Variants in SPAG16 observed in about 807,000 individuals in gnomAD.
The protein encoded by SPAG16 is sperm associated antigen 16.
SPAG16 carries 86 observed loss-of-function variants against 80.4 expected under a neutral mutation model. The observed-to-expected ratio is 1.07, with a 90% CI of 0.90 to 1.28. The LOEUF (loss-of-function observed/expected upper bound fraction) is 1.28, where lower values mean the gene tolerates loss of function less well. SPAG16 is among the 50% of genes most tolerant of loss of function. The probability of loss-of-function intolerance (pLI) is 0.00; values close to 1 mark genes in which losing one functional copy is unlikely to be tolerated. For synonymous variants in SPAG16, 294 were observed against 265.9 expected (o/e 1.11, Z -1.03); for missense variants, 870 against 765.3 (o/e 1.14, Z -1.61).
At chr2:214,067,463 A>C (rs1293995728) in intron 13 of SPAG16, among the ~76,000 whole-genome samples, 4 of 152,124 alleles carry the variant, frequency 2.6e-5, no homozygotes, top group Admixed American at 2.6e-4. Flanking sequence ...TGCATGCATA[A>C]AGCCAAAATA....
At chr2:214,220,501 C>A (rs1163835871) in intron 15 of SPAG16, among the ~76,000 whole-genome samples, 1 of 152,106 alleles carries the variant, frequency 6.6e-6, no homozygotes, top group Non-Finnish European at 1.5e-5. Flanking sequence ...TAAGTCACTG[C>A]TACTCCCCAA....
intron 10 of SPAG16, among the ~76,000 whole-genome samples, chr2:213,546,821 C>T (rs1272227293): frequency 1.3e-5 from 2 of 152,048 alleles, no homozygotes; most frequent in East Asian, 1.9e-4. Context: ...TTATAATCAC[C>T]GTACAAGAAG....
intron 13 of SPAG16, among the ~76,000 whole-genome samples, chr2:214,077,153 A>C (rs577429833): frequency 6.6e-6 from 1 of 152,316 alleles, no homozygotes; most frequent in South Asian, 2.1e-4. Context: ...CAGAGCAAGT[A>C]GAGAAAAAAT....
rs752701358 is a variant in SPAG16, at chr2:214,149,575, T to A, written c.1720+309T>A. ...CATTCCTCAGAATCATCATCCAAGG[T>A]AAGCAAATTCGATTTTCTAAAGGCA... On this transcript the variant is annotated intron_variant, in intron 15 of 15. Transcript: ENST00000331683. 1.2e-4 allele frequency among the ~76,000 whole-genome samples: 18 copies of A among 152,026 alleles called. 1 individual carries two copies. The highest frequency in any genetic ancestry group is 2.2e-4 in the Non-Finnish European group (15 of 67,982).
intron 11 of SPAG16, among the ~76,000 whole-genome samples, chr2:213,901,739 G>A (rs935164674): frequency 1.3e-5 from 2 of 152,066 alleles, no homozygotes; most frequent in African/African-American, 4.8e-5. Flanking sequence ...AGCATCTATT[G>A]GAAGATACAT....
intron 5 of SPAG16, among the ~76,000 whole-genome samples, chr2:213,337,329 C>T (rs2064419644): frequency 6.6e-6 from 1 of 152,164 alleles, no homozygotes; most frequent in South Asian, 2.1e-4. Flanking sequence ...CAAATGATTG[C>T]AACATGTCTC....
chr2:213,291,249 A>G (rs2062262480), intron 1 of SPAG16, among the ~76,000 whole-genome samples: 1 of 152,062 alleles, frequency 6.6e-6, no homozygotes, highest in Non-Finnish European at 1.5e-5. Flanking sequence ...TAGTGTGTGT[A>G]TTTGCAAACT....
At position 214,231,097 on chromosome 2, in the gene SPAG16, C is replaced by T. The variant is rs144265812; in HGVS notation, c.1720+81831C>T. Among the ~76,000 whole-genome samples, 495 of 152,004 alleles carry T rather than the reference C, an allele frequency of 3.3e-3. 3 individuals are homozygous for T. The highest frequency in any genetic ancestry group is 0.011 in the African/African-American group (449 of 41,506). On this transcript the variant is annotated intron_variant, in intron 15 of 15. Coordinates refer to ENST00000331683, the MANE Select transcript of SPAG16 (RefSeq NM_024532.5). ...TGTAATAATGCTTGGTGTCCTATGT[C>T]GTTGGATCCAGACATCGTTGGAATA... is the stretch of plus-strand genomic sequence containing the variant.
chr2:213,471,921 C>T (rs888688446), intron 9 of SPAG16, among the ~76,000 whole-genome samples: 14 of 152,158 alleles, frequency 9.2e-5, no homozygotes, highest in Non-Finnish European at 1.5e-5. Flanking sequence ...TTGAAAGATC[C>T]CACACAACTG....
At chr2:214,245,296 T>C (rs1443741079) in intron 15 of SPAG16, among the ~76,000 whole-genome samples, 1 of 152,172 alleles carries the variant, frequency 6.6e-6, no homozygotes, top group Non-Finnish European at 1.5e-5. Context: ...TGCAGTTCCC[T>C]GATTACCTGG....
intron 10 of SPAG16, among the ~76,000 whole-genome samples, chr2:213,765,769 TA>T (rs2068905629): frequency 6.6e-6 from 1 of 152,218 alleles, no homozygotes; most frequent in South Asian, 2.1e-4. Context: ...ACTGAAGTAC[TA>T]GGGGGGTTCT....
At chr2:214,338,550 C>T (rs766267563) in intron 15 of SPAG16, among the ~76,000 whole-genome samples, 2 of 151,950 alleles carry the variant, frequency 1.3e-5, no homozygotes, top group Non-Finnish European at 2.9e-5. Flanking sequence ...CAGTGGTATT[C>T]CTATGGTTGT....
At position 213,364,227 on chromosome 2, in the gene SPAG16, T is replaced by G. The variant is rs543221317; in HGVS notation, c.832+82T>G. ...TTATCAGTGATTAATATTCTAGAGA[T>G]ATTTAAAGGTGAGTAAGTGGTGGCT... On this transcript the variant is annotated intron_variant, in intron 8 of 15. Coordinates refer to ENST00000331683, the MANE Select transcript of SPAG16 (RefSeq NM_024532.5). The G allele has an allele frequency of 1.5e-4, 116 of 784,896 alleles. 1 individual carries two copies. The highest frequency in any genetic ancestry group is 2.0e-4 in the Non-Finnish European group (109 of 539,206). The allele number at this position is 784,896 out of a possible 1,614,324, so 48.6% of individuals were successfully genotyped here.
intron 10 of SPAG16, among the ~76,000 whole-genome samples, chr2:213,703,078 A>G (rs2065564201): frequency 6.6e-6 from 1 of 152,230 alleles, no homozygotes; most frequent in Non-Finnish European, 1.5e-5. Flanking sequence ...TTTAATGGTC[A>G]GTACACACTT....
intron 10 of SPAG16, among the ~76,000 whole-genome samples, chr2:213,533,632 T>C (rs1276873730): frequency 6.6e-6 from 1 of 152,186 alleles, no homozygotes; most frequent in Non-Finnish European, 1.5e-5. Context: ...TAATGTGGGA[T>C]TATTTCACCT....
At chr2:214,307,984 G>T (rs1220598130) in intron 15 of SPAG16, among the ~76,000 whole-genome samples, 2 of 152,074 alleles carry the variant, frequency 1.3e-5, no homozygotes, top group Non-Finnish European at 2.9e-5. Context: ...ATCATCAATG[G>T]GGTATTGATG....
intron 15 of SPAG16, among the ~76,000 whole-genome samples, chr2:214,254,651 T>C (rs1451653614): frequency 6.6e-6 from 1 of 152,034 alleles, no homozygotes; most frequent in African/African-American, 2.4e-5. Flanking sequence ...CTGAGTTTCG[T>C]TGATTCTTTC....
chr2:214,102,586 T>G (rs1287846836), intron 13 of SPAG16, among the ~76,000 whole-genome samples: 5 of 152,026 alleles, frequency 3.3e-5, no homozygotes, highest in Admixed American at 2.6e-4. Context: ...ATCAGGAGTT[T>G]GGCAGATTAT....
intron 12 of SPAG16, among the ~76,000 whole-genome samples, chr2:214,006,367 G>A (rs115110187): frequency 0.025 from 3,872 of 152,278 alleles, 163 homozygotes; most frequent in African/African-American, 0.089. Flanking sequence ...ATGTATGGGA[G>A]ATGCATTTTA....
Sources: gnomAD v4.1 joint callset for allele counts (sites outside exome capture counted in the v4.1 genomes callset) on GRCh38, gnomAD v4.1.1 for gene constraint, MANE v1.5 for transcripts, NCBI Gene and HGNC (gene_info 2026-07-23, HGNC 2026-07-21) for gene names.